Variants in EDA observed in about 807,000 individuals in gnomAD.
EDA encodes ectodysplasin-A.
EDA carries 2 observed loss-of-function variants against 23.6 expected under a neutral mutation model. The ratio of observed to expected loss-of-function variants is 0.08; its 90% CI spans 0.03 to 0.27. The LOEUF is 0.27. Among genes scored for constraint, EDA ranks in the 10% least tolerant of loss-of-function variants. The pLI is 1.00. For synonymous variants in EDA, 131 were observed against 132.0 expected, an observed-to-expected ratio of 0.99 and a Z score of 0.05; for missense variants, 229 against 324.2, an observed-to-expected ratio of 0.71 and a Z score of 2.26.
chrX:69,739,715 A>T (rs1289454302), intron 1 of EDA, among the ~76,000 whole-genome samples: 1 of 110,398 alleles, frequency 9.1e-6, no homozygotes, highest in Non-Finnish European at 1.9e-5. Flanking sequence ...GATCTAGTTC[A>T]TTTTTTACTA....
intron 1 of EDA, among the ~76,000 whole-genome samples, chrX:69,629,747 C>T (rs1317918582): frequency 9.0e-6 from 1 of 111,060 alleles, no homozygotes; most frequent in Admixed American, 9.6e-5. Context: ...CTTTAAAAGC[C>T]TTCCACATAA....
intron 1 of EDA, among the ~76,000 whole-genome samples, chrX:69,949,889 T>C (rs2018888566): frequency 9.0e-6 from 1 of 111,346 alleles, no homozygotes; most frequent in Non-Finnish European, 1.9e-5. Context: ...GCTAGCCATA[T>C]GTAGAAACTG....
intron 1 of EDA, among the ~76,000 whole-genome samples, chrX:69,814,595 A>G (rs2016034996): frequency 8.9e-6 from 1 of 112,576 alleles, no homozygotes; most frequent in African/African-American, 3.2e-5. Context: ...TGTGGCACTC[A>G]CAGAGAGGAA....
chrX:69,854,314 C>T (rs746098863), intron 1 of EDA, among the ~76,000 whole-genome samples: 3 of 110,972 alleles, frequency 2.7e-5, no homozygotes, highest in Non-Finnish European at 5.7e-5. Flanking sequence ...CAGTCTCAGC[C>T]TCCCGTGTAG....
intron 1 of EDA, among the ~76,000 whole-genome samples, chrX:69,846,173 C>T (rs751352676): frequency 3.6e-5 from 4 of 112,142 alleles, no homozygotes; most frequent in East Asian, 5.6e-4. Flanking sequence ...AACTCAAGGA[C>T]GAAATTTTCA....
intron 2 of EDA, among the ~76,000 whole-genome samples, chrX:69,994,554 C>G (rs1025305219): frequency 4.5e-5 from 5 of 112,092 alleles, no homozygotes; most frequent in African/African-American, 1.3e-4. Flanking sequence ...GCCCAGAAAT[C>G]TGTACTTTTA....
Position 69,670,116 on chromosome X carries a change from T to C in EDA, c.396+53412T>C, listed in dbSNP as rs1191398255. The C allele has an allele frequency of 1.6e-5, 5 of 306,416 alleles. No individual in the cohort carries two copies. In the East Asian group the frequency reaches 2.4e-4, roughly 14 times the overall value. 25.3% of individuals were successfully genotyped at this position (306,416 alleles called of 1,213,427 possible). ...GATGAATTCCTTAAATTTTTTCTTGTCTGGGAAAAACTGTCTCCTTCATTT... is the reference window on the plus strand; with the variant it reads ...GATGAATTCCTTAAATTTTTTCTTGCCTGGGAAAAACTGTCTCCTTCATTT... On this transcript the variant is annotated intron_variant, in intron 1 of 7. Transcript: ENST00000374552.
At chrX:69,623,543 A>T in intron 1 of EDA, among the ~76,000 whole-genome samples, 1 of 111,808 alleles carries the variant, frequency 8.9e-6, no homozygotes, top group East Asian at 2.8e-4. Flanking sequence ...GAACACAAAC[A>T]TTCAGACCAT....
chrX:69,867,394 G>C (rs769003861), intron 1 of EDA, among the ~76,000 whole-genome samples: 2 of 112,266 alleles, frequency 1.8e-5, no homozygotes, highest in African/African-American at 3.2e-5. Context: ...TGACCACTCA[G>C]AGAGGTTCAT....
intron 2 of EDA, among the ~76,000 whole-genome samples, chrX:69,987,282 A>G (rs1203387001): frequency 2.9e-5 from 3 of 104,190 alleles, no homozygotes; most frequent in African/African-American, 7.5e-5. Context: ...AATAAAAAAA[A>G]AAAAATTAAA....
At chrX:69,806,001 A>G (rs1470443009) in intron 1 of EDA, among the ~76,000 whole-genome samples, 1 of 111,529 alleles carries the variant, frequency 9.0e-6, no homozygotes, top group South Asian at 3.7e-4. Context: ...CTCTATACTT[A>G]CTTTCTGAAT....
intron 1 of EDA, among the ~76,000 whole-genome samples, chrX:69,838,726 A>G (rs139212460): frequency 3.5e-5 from 4 of 112,794 alleles, no homozygotes; most frequent in African/African-American, 1.3e-4. Context: ...TGGACAATCA[A>G]TTCCTTATAA....
At chrX:69,961,691 G>A (rs1328105718) in intron 2 of EDA, among the ~76,000 whole-genome samples, 1 of 112,477 alleles carries the variant, frequency 8.9e-6, no homozygotes, top group Non-Finnish European at 1.9e-5. Context: ...GAAAAGAAGT[G>A]AATTTCGTTT....
intron 2 of EDA, among the ~76,000 whole-genome samples, chrX:69,994,887 GT>G (rs990297846): frequency 1.8e-4 from 20 of 112,060 alleles, no homozygotes; most frequent in Non-Finnish European, 1.9e-5. Context: ...GATTTTAAGA[GT>G]TTTCTTTGAA....
chrX:70,018,801 G>A lies in EDA; in HGVS notation c.503-4417G>A, dbSNP rs184891816. On this transcript the variant is annotated intron_variant, in intron 2 of 7. Transcript: ENST00000374552. ...GGAAAAAAATTTATGACAGAGACAT[G>A]AAAAGCAATTGCAACAAAAACAAAA... is the stretch of plus-strand genomic sequence containing the variant. Among the ~76,000 whole-genome samples, 464 of 111,368 alleles carry A rather than the reference G, an allele frequency of 4.2e-3. 2 individuals are homozygous for A. Among genetic ancestry groups the A allele is most frequent in the African/African-American group, 0.014 (439 of 30,640 alleles).
At chrX:70,031,740 T>C (rs970206950) in intron 6 of EDA, among the ~76,000 whole-genome samples, 4 of 112,498 alleles carry the variant, frequency 3.6e-5, no homozygotes, top group African/African-American at 9.7e-5. Context: ...CAAAACCCAA[T>C]TGGTCCTGCT....
intron 1 of EDA, among the ~76,000 whole-genome samples, chrX:69,820,897 A>G (rs991048304): frequency 2.7e-5 from 3 of 111,685 alleles, no homozygotes; most frequent in Middle Eastern, 4.2e-3. Flanking sequence ...TATATACCCA[A>G]AGGAATATAA....
chrX:69,827,906 C>T (rs1023458834), intron 1 of EDA, among the ~76,000 whole-genome samples: 4 of 111,486 alleles, frequency 3.6e-5, no homozygotes, highest in Admixed American at 9.5e-5. Flanking sequence ...GATTGTTAGT[C>T]TTCCTTCTAA....
intron 1 of EDA, among the ~76,000 whole-genome samples, chrX:69,848,682 G>A (rs1366862452): frequency 9.0e-6 from 1 of 111,313 alleles, no homozygotes; most frequent in Non-Finnish European, 1.9e-5. Flanking sequence ...ATCCTGCATT[G>A]GAATATTCTA....
Sources: gnomAD v4.1 joint callset for allele counts (sites outside exome capture counted in the v4.1 genomes callset) on GRCh38, gnomAD v4.1.1 for gene constraint, MANE v1.5 for transcripts, NCBI Gene and HGNC (gene_info 2026-07-23, HGNC 2026-07-21) for gene names.